The following TP53BP2 variants were observed in gnomAD, a reference collection of about 807,000 sequenced individuals.
TP53BP2 encodes apoptosis-stimulating of p53 protein 2.
In TP53BP2, 62 loss-of-function variants were observed where a neutral mutation model predicts 126.2. The observed-to-expected ratio is 0.49, with a 90% CI of 0.40 to 0.61. TP53BP2 has a LOEUF of 0.61. TP53BP2 is among the 20% of genes least tolerant of loss of function. The pLI is 0.00. For synonymous variants in TP53BP2, 485 were observed against 502.9 expected (o/e 0.96, Z 0.48); for missense variants, 1,215 against 1,402.8 (o/e 0.87, Z 2.14).
chr1:223,781,862 A>G (rs1369554838), intron 17 of TP53BP2, among the ~76,000 whole-genome samples: 1 of 151,478 alleles, frequency 6.6e-6, no homozygotes, highest in Non-Finnish European at 1.5e-5. Context: ...ACTTCTAACA[A>G]GAAAAGATTT....
chr1:223,825,870 A>C (rs1211878821), intron 1 of TP53BP2: 1 of 152,300 alleles, frequency 6.6e-6, no homozygotes, highest in Non-Finnish European at 1.5e-5. Context: ...CCACTGGACA[A>C]ACCCAACTAC....
At chr1:223,841,691 C>T (rs1198310606) in intron 1 of TP53BP2, among the ~76,000 whole-genome samples, 1 of 152,150 alleles carries the variant, frequency 6.6e-6, no homozygotes, top group African/African-American at 2.4e-5. Context: ...ATATACAAAT[C>T]CTACTGATCA....
chr1:223,808,660 A>G (rs1427711524), intron 4 of TP53BP2, among the ~76,000 whole-genome samples: 1 of 150,094 alleles, frequency 6.7e-6, no homozygotes, highest in Non-Finnish European at 1.5e-5. Flanking sequence ...AAACAAAGGA[A>G]AAAAAAATCT....
rs745631796 is a variant in TP53BP2, at chr1:223,798,585, T to G, written c.1578A>C (p.Pro526=). The change falls in exon 12 of 18, where the codon CCA becomes CCC. Residue 526 remains proline (P), a synonymous_variant. Coordinates refer to ENST00000343537, the MANE Select transcript of TP53BP2 (RefSeq NM_001031685.3). ...NLPYFGQTNQ[P]PSDIKPDGSS... ...TTCCGTCTGGCTTAATGTCTGAAGG[T>G]GGCTGATTAGTTTGTCCAAAATAAG... 3.7e-6 allele frequency: 6 copies of G among 1,614,040 alleles called. No individual in the cohort carries two copies. The highest frequency in any genetic ancestry group is 1.1e-5 in the South Asian group (1 of 91,086).
At chr1:223,787,286 T>A (rs1249105000) in intron 16 of TP53BP2, among the ~76,000 whole-genome samples, 2 of 152,014 alleles carry the variant, frequency 1.3e-5, no homozygotes, top group Non-Finnish European at 1.5e-5. Context: ...AGCCTAGGAG[T>A]TCAGGGTTGT....
chr1:223,813,177 T>C (rs1219348506), intron 3 of TP53BP2, among the ~76,000 whole-genome samples: 1 of 152,066 alleles, frequency 6.6e-6, no homozygotes, highest in Non-Finnish European at 1.5e-5. Context: ...TCACTAACGA[T>C]GTGACCAACT....
chr1:223,828,598 T>C (rs909203848), intron 1 of TP53BP2, among the ~76,000 whole-genome samples: 4 of 152,178 alleles, frequency 2.6e-5, no homozygotes. Context: ...AACAAGCAAT[T>C]AAGAAGCACA....
chr1:223,842,629 A>G (rs193147773), intron 1 of TP53BP2, among the ~76,000 whole-genome samples: 1 of 152,382 alleles, frequency 6.6e-6, no homozygotes, highest in African/African-American at 2.4e-5. Context: ...TGAAACTATC[A>G]GCTGAAAAGA....
At chr1:223,826,418 C>A (rs1159755656) in intron 1 of TP53BP2, among the ~76,000 whole-genome samples, 1 of 152,142 alleles carries the variant, frequency 6.6e-6, no homozygotes, top group Non-Finnish European at 1.5e-5. Flanking sequence ...CTAGAAACCA[C>A]GTCCTGAGAA....
chr1:223,834,893 G>A, intron 1 of TP53BP2: 1 of 984,126 alleles, frequency 1.0e-6, no homozygotes, highest in Non-Finnish European at 1.2e-6. Flanking sequence ...GTAGTTGTCT[G>A]TATCCCTGTC....
chr1:223,845,227 C>A (rs1243167659), intron 1 of TP53BP2: 2 of 984,892 alleles, frequency 2.0e-6, no homozygotes, highest in Non-Finnish European at 2.4e-6. Flanking sequence ...AAAAACAAAG[C>A]AAAGGTACCC....
Position 223,807,144 on chromosome 1 carries a change from T to C in TP53BP2, c.373-197A>G, listed in dbSNP as rs1334888720. On this transcript the variant is annotated intron_variant, in intron 4 of 17. Transcript: ENST00000343537. ...ACCACATTGACTTTTTAAGATGTAA[T>C]GTAAAACACACTAATATACAATAAT... is the stretch of plus-strand genomic sequence containing the variant. 2.0e-5 allele frequency among the ~76,000 whole-genome samples: 3 copies of C among 152,338 alleles called. No individual in the cohort carries two copies. The East Asian group carries it at 5.8e-4, about 29-fold the overall frequency.
chr1:223,832,821 C>A (rs1429873004), intron 1 of TP53BP2, among the ~76,000 whole-genome samples: 1 of 152,162 alleles, frequency 6.6e-6, no homozygotes, highest in Admixed American at 6.5e-5. Context: ...CATGCTGCAC[C>A]CTAGCTGTGA....
At chr1:223,833,828 T>C (rs1347109438) in intron 1 of TP53BP2, among the ~76,000 whole-genome samples, 1 of 152,156 alleles carries the variant, frequency 6.6e-6, no homozygotes, top group Non-Finnish European at 1.5e-5. Context: ...AACACAGTGA[T>C]GAAAAAGCTT....
chr1:223,788,879 A>T (rs1488623594), intron 16 of TP53BP2, 129 bp downstream of exon 16: 1 of 912,476 alleles, frequency 1.1e-6, no homozygotes, highest in East Asian at 2.6e-5. Context: ...AGGCTGTTGT[A>T]TTTTCAAGGC....
At chr1:223,818,890 A>G (rs1157260618) in intron 2 of TP53BP2, among the ~76,000 whole-genome samples, 1 of 150,800 alleles carries the variant, frequency 6.6e-6, no homozygotes, top group Non-Finnish European at 1.5e-5. Context: ...AAAATTTTTT[A>G]ATTAAAAAGT....
chr1:223,789,618 A>G (rs1306794536), intron 15 of TP53BP2, among the ~76,000 whole-genome samples: 1 of 152,198 alleles, frequency 6.6e-6, no homozygotes, highest in Non-Finnish European at 1.5e-5. Flanking sequence ...ATCGTCATCA[A>G]TTTTGAAGGA....
intron 15 of TP53BP2, 112 bp downstream of exon 15, chr1:223,792,276 CA>C (rs1453067947): frequency 2.5e-6 from 3 of 1,188,034 alleles, no homozygotes; most frequent in Non-Finnish European, 3.5e-6. Context: ...AGATTACAAG[CA>C]GCTCAAGGAC....
intron 4 of TP53BP2, among the ~76,000 whole-genome samples, chr1:223,807,496 T>C: frequency 6.6e-6 from 1 of 150,716 alleles, no homozygotes; most frequent in Admixed American, 6.6e-5. Flanking sequence ...AGCATCCAGA[T>C]TGGTAAAAAA....
Sources: gnomAD v4.1 joint callset for allele counts (sites outside exome capture counted in the v4.1 genomes callset) on GRCh38, gnomAD v4.1.1 for gene constraint, MANE v1.5 for transcripts, NCBI Gene and HGNC (gene_info 2026-07-23, HGNC 2026-07-21) for gene names.